PIGL: variants seen among roughly 807,000 people sequenced by gnomAD.
PIGL encodes the protein N-acetylglucosaminyl-phosphatidylinositol de-N-acetylase.
In PIGL, 22 loss-of-function variants were observed where a neutral mutation model predicts 31.1. The observed-to-expected ratio is 0.71, with a 90% confidence interval of 0.51 to 1.01. The LOEUF is 1.01. Among genes scored for constraint, PIGL ranks in the 50% least tolerant of loss-of-function variants. PIGL has a pLI of 0.00. For missense variants in PIGL, 302 were observed against 315.9 expected (o/e 0.96, Z 0.33); for synonymous variants, 131 against 117.4 (o/e 1.12, Z -0.75).
chr17:16,261,685 G>A (rs2092819913), intron 2 of PIGL, among the ~76,000 whole-genome samples: 1 of 151,902 alleles, frequency 6.6e-6, no homozygotes, highest in South Asian at 2.1e-4. Flanking sequence ...AGACCCGCCT[G>A]GAATTTGAGA....
At chr17:16,244,955 G>T (rs185924055) in intron 2 of PIGL, among the ~76,000 whole-genome samples, 80 of 151,514 alleles carry the variant, frequency 5.3e-4, no homozygotes, top group African/African-American at 1.9e-3. Flanking sequence ...TGGGATTACA[G>T]GTGTGAGCCA....
intron 2 of PIGL, among the ~76,000 whole-genome samples, chr17:16,248,355 C>T (rs1045650847): frequency 5.3e-5 from 8 of 152,268 alleles, no homozygotes; most frequent in Admixed American, 2.0e-4. Flanking sequence ...ACTTAGAATT[C>T]GCCTCAGCTA....
At chr17:16,300,632 A>T (rs901880093) in intron 3 of PIGL, among the ~76,000 whole-genome samples, 1 of 151,568 alleles carries the variant, frequency 6.6e-6, no homozygotes, top group Non-Finnish European at 1.5e-5. Context: ...ATGCGCAAAG[A>T]TTGTGTTACT....
intron 2 of PIGL, among the ~76,000 whole-genome samples, chr17:16,281,132 A>C (rs1302806051): frequency 6.6e-6 from 1 of 152,248 alleles, no homozygotes; most frequent in Non-Finnish European, 1.5e-5. Context: ...GGAAATAATC[A>C]TGAAATGTTT....
Position 16,260,118 on chromosome 17 carries a change from G to A in PIGL, c.335+26048G>A, listed in dbSNP as rs112747688. On this transcript the variant is annotated intron_variant, in intron 2 of 6. Transcript: ENST00000225609. ...CAGAGATGAGCACAAGTGGGAGGCC[G>A]AGGGGGTGCTGAGGGCAGCTCACCA... is the stretch of plus-strand genomic sequence containing the variant. 3.9e-5 allele frequency among the ~76,000 whole-genome samples: 6 copies of A among 152,332 alleles called. 1 individual carries two copies. Among genetic ancestry groups the A allele is most frequent in the African/African-American group, 1.2e-4 (5 of 41,576 alleles).
intron 1 of PIGL, among the ~76,000 whole-genome samples, chr17:16,219,307 G>A (rs151104718): frequency 0.023 from 3,560 of 151,918 alleles, 144 homozygotes; most frequent in African/African-American, 0.081. Flanking sequence ...TGATCTGCCC[G>A]CCTCAGCCTC....
chr17:16,268,246 A>G (rs2092853818), intron 2 of PIGL, among the ~76,000 whole-genome samples: 1 of 152,180 alleles, frequency 6.6e-6, no homozygotes, highest in Non-Finnish European at 1.5e-5. Context: ...ACTCAAAGGC[A>G]TCAGAGGCCC....
intron 2 of PIGL, among the ~76,000 whole-genome samples, chr17:16,291,775 G>A (rs1320128782): frequency 6.6e-6 from 1 of 151,248 alleles, no homozygotes; most frequent in Non-Finnish European, 1.5e-5. Flanking sequence ...TGAAGCAGAA[G>A]AATCACTTGA....
At position 16,317,882 on chromosome 17, in the gene PIGL, A is replaced by G. The variant is rs371674739; in HGVS notation, c.634A>G (p.Asn212Asp). 1.9e-6 allele frequency: 3 copies of G among 1,613,660 alleles called. No homozygotes were observed. The highest frequency in any genetic ancestry group is 1.7e-5 in the Admixed American group (1 of 60,000). The change falls in exon 6 of 7, where the codon AAC (asparagine) becomes GAC (aspartate). Residue 212 changes from asparagine (N) to aspartate (D), a missense_variant. Transcript: ENST00000225609. Reference protein sequence around the residue: ...LHTQDVLFVLNSKEVAQAKKA... With the variant: ...LHTQDVLFVLDSKEVAQAKKA... ...TACGCAGGATGTCCTCTTCGTGCTCAACAGCAAAGAAGTGGCACAGGCCAA... is the reference window on the plus strand; with the variant it reads ...TACGCAGGATGTCCTCTTCGTGCTCGACAGCAAAGAAGTGGCACAGGCCAA...
chr17:16,323,609 CTT>C (rs34518917), intron 6 of PIGL, among the ~76,000 whole-genome samples: 1,800 of 96,780 alleles, frequency 0.019, 18 homozygotes, highest in African/African-American at 0.063. Flanking sequence ...TAACACTGAT[CTT>C]TTTTTTTTTT....
At chr17:16,236,596 C>T (rs2092700485) in intron 2 of PIGL, among the ~76,000 whole-genome samples, 1 of 152,264 alleles carries the variant, frequency 6.6e-6, no homozygotes, top group East Asian at 1.9e-4. Flanking sequence ...TAGACAGAGT[C>T]TTGCTCTGTT....
chr17:16,235,099 G>T (rs1198717553), intron 2 of PIGL, among the ~76,000 whole-genome samples: 1 of 152,074 alleles, frequency 6.6e-6, no homozygotes, highest in African/African-American at 2.4e-5. Flanking sequence ...AAGGTACTTA[G>T]GTCTGCATCT....
At chr17:16,235,835 T>C (rs12945855) in intron 2 of PIGL, among the ~76,000 whole-genome samples, 60,683 of 149,012 alleles carry the variant, frequency 0.41, 13,234 homozygotes, top group Middle Eastern at 0.54. Flanking sequence ...TAGGCTGTAC[T>C]ATGTACTTTG....
chr17:16,280,112 T>C (rs2092910487), intron 2 of PIGL, among the ~76,000 whole-genome samples: 2 of 152,234 alleles, frequency 1.3e-5, no homozygotes, highest in South Asian at 4.1e-4. Context: ...TAGAGCTTGA[T>C]GTACACACAG....
chr17:16,227,013 C>G (rs537168936), intron 1 of PIGL, among the ~76,000 whole-genome samples: 1 of 152,316 alleles, frequency 6.6e-6, no homozygotes, highest in East Asian at 1.9e-4. Context: ...CTCACATGTT[C>G]AGGTATTCAT....
rs114111456 is a variant in PIGL at position 16,235,035 on chromosome 17, T to C, written c.335+965T>C. On this transcript the variant is annotated intron_variant, in intron 2 of 6. Transcript: ENST00000225609. ...TTCACCTATCCCTAACTTAACATCT[T>C]TTGTGTATATGAAACATTTTAAAGA... is the stretch of plus-strand genomic sequence containing the variant. 2.8e-3 allele frequency among the ~76,000 whole-genome samples: 419 copies of C among 152,296 alleles called. 3 individuals are homozygous for C. Among genetic ancestry groups the C allele is most frequent in the African/African-American group, 9.9e-3 (410 of 41,572 alleles).
At position 16,217,424 on chromosome 17, in the gene PIGL, C is replaced by T; in HGVS notation, c.198C>T (p.Arg66=). 1 of 1,614,188 alleles carries T rather than the reference C, an allele frequency of 6.2e-7. No homozygotes were observed. Among genetic ancestry groups the T allele is most frequent in the Admixed American group, 1.7e-5 (1 of 60,018 alleles). ...CTCCCACAGTGCTAGGCTTGGCCCGCCTAAGGCACTGGGTGTACCTGCTTT... is the reference window on the plus strand; with the variant it reads ...CTCCCACAGTGCTAGGCTTGGCCCGTCTAAGGCACTGGGTGTACCTGCTTT... ...FFAPTVLGLA[R]LRHWVYLLCF... is the part of the protein sequence containing the mutation. The change falls in exon 1 of 7, where the codon CGC becomes CGT. Residue 66 remains arginine (R), a synonymous_variant. Coordinates refer to ENST00000225609, the MANE Select transcript of PIGL (RefSeq NM_004278.4).
chr17:16,251,478 A>G (rs1185266138), intron 2 of PIGL, among the ~76,000 whole-genome samples: 1 of 151,810 alleles, frequency 6.6e-6, no homozygotes, highest in Non-Finnish European at 1.5e-5. Context: ...TTGACATCGT[A>G]TAGAATCAGC....
In PIGL at chr17:16,325,823, C is replaced by T; in HGVS notation, c.684C>T (p.Ser228=). The change falls in exon 7 of 7, where the codon AGC becomes AGT. Residue 228 remains serine (S), a synonymous_variant. Coordinates refer to ENST00000225609, the MANE Select transcript of PIGL (RefSeq NM_004278.4). ...AGAAAGCCATGTCCTGCCACCGCAGCCAGCTCCTCTGGTTCCGCCGCCTCT... is the reference window on the plus strand; with the variant it reads ...AGAAAGCCATGTCCTGCCACCGCAGTCAGCTCCTCTGGTTCCGCCGCCTCT... ...QAKKAMSCHR[S]QLLWFRRLYI... is the part of the protein sequence containing the mutation. 3 of 1,613,806 alleles carry T rather than the reference C, an allele frequency of 1.9e-6. No homozygotes were observed. The highest frequency in any genetic ancestry group is 2.5e-6 in the Non-Finnish European group (3 of 1,179,702).
Sources: gnomAD v4.1 joint callset for allele counts (sites outside exome capture counted in the v4.1 genomes callset) on GRCh38, gnomAD v4.1.1 for gene constraint, MANE v1.5 for transcripts, NCBI Gene and HGNC (gene_info 2026-07-23, HGNC 2026-07-21) for gene names.